Variants in CEP120 observed in about 807,000 individuals in gnomAD.
CEP120 encodes centrosomal protein of 120 kDa.
Under a neutral mutation model 126.5 loss-of-function variants are expected in CEP120, and 113 were observed. That is an observed-to-expected ratio of 0.89 (90% CI 0.77 to 1.04). The LOEUF (loss-of-function observed/expected upper bound fraction) is 1.04, where lower values mean the gene tolerates loss of function less well. Ranked by LOEUF, CEP120 falls within the 50% of genes least tolerant of loss-of-function variation. The probability of loss-of-function intolerance (pLI) is 0.00; values close to 1 mark genes in which losing one functional copy is unlikely to be tolerated. For missense variants in CEP120, 1,230 were observed against 1,155.7 expected, an observed-to-expected ratio of 1.06 and a Z score of -0.93; for synonymous variants, 400 against 394.3, an observed-to-expected ratio of 1.01 and a Z score of -0.17.
At chr5:123,348,945 T>C (rs1769014655) in intron 19 of CEP120, among the ~76,000 whole-genome samples, 1 of 152,150 alleles carries the variant, frequency 6.6e-6, no homozygotes. Flanking sequence ...TAAACTTCTG[T>C]TTAATCTACC....
intron 16 of CEP120, among the ~76,000 whole-genome samples, chr5:123,374,433 G>T (rs1331984419): frequency 1.3e-5 from 2 of 151,974 alleles, no homozygotes; most frequent in African/African-American, 4.8e-5. Context: ...TCTTAGAACA[G>T]TTTCAAAAAT....
At chr5:123,399,983 A>G (rs1466639516) in intron 4 of CEP120, among the ~76,000 whole-genome samples, 1 of 152,244 alleles carries the variant, frequency 6.6e-6, no homozygotes, top group Non-Finnish European at 1.5e-5. Flanking sequence ...AAAATAATTG[A>G]TAATATCCAA....
intron 4 of CEP120, among the ~76,000 whole-genome samples, chr5:123,405,011 T>C (rs1350161951): frequency 6.6e-6 from 1 of 152,184 alleles, no homozygotes; most frequent in African/African-American, 2.4e-5. Context: ...AAATATGCAG[T>C]CTGGCACATA....
At chr5:123,415,458 G>A (rs556099486) in intron 3 of CEP120, among the ~76,000 whole-genome samples, 22 of 152,334 alleles carry the variant, frequency 1.4e-4, no homozygotes, top group South Asian at 1.0e-3. Flanking sequence ...TTAAGCTTCC[G>A]GTAATAGCAA....
chr5:123,423,180 C>G lies in CEP120; in HGVS notation c.-182G>C. On this transcript the variant is annotated 5_prime_UTR_variant, in exon 1 of 20. Transcript: ENST00000306467. ...TGCAGCGCGCCCGGCTCCTCTGCCT[C>G]GGGCCGCCAGCCCAGATCCTAACTG... 3.3e-6 allele frequency: 2 copies of G among 610,740 alleles called. No homozygotes were observed. The highest frequency in any genetic ancestry group is 4.4e-4 in the Middle Eastern group (1 of 2,298). 37.8% of individuals were successfully genotyped at this position (610,740 alleles called of 1,614,324 possible).
chr5:123,384,992 AC>A lies in CEP120; in HGVS notation c.1721del (p.Arg574LeufsTer11). 1 of 1,612,222 alleles carries A rather than the reference AC, an allele frequency of 6.2e-7. No homozygotes were observed. Among genetic ancestry groups the A allele is most frequent in the Non-Finnish European group, 8.5e-7 (1 of 1,179,254 alleles). ...CAGGCACACTTTCACTGTAAGTTTG[AC>A]GCCAACACTGTTCACCATTAGAACC... ...FLGSNGEQCW[R>X]QTYSESVPVI... On this transcript the variant is annotated frameshift_variant, in exon 11 of 20. Transcript: ENST00000306467. LOFTEE classifies it high-confidence loss of function.
At chr5:123,383,809 T>TA (rs1354519937) in intron 11 of CEP120, among the ~76,000 whole-genome samples, 6 of 152,062 alleles carry the variant, frequency 3.9e-5, no homozygotes, top group African/African-American at 1.4e-4. Context: ...GAGAACAAGA[T>TA]AAAATATTAG....
At chr5:123,389,264 T>A (rs945806199) in intron 8 of CEP120, among the ~76,000 whole-genome samples, 2 of 152,204 alleles carry the variant, frequency 1.3e-5, no homozygotes, top group Non-Finnish European at 1.5e-5. Flanking sequence ...AAATGGTTAT[T>A]ATGAGTTTAC....
chr5:123,414,689 G>A (rs528149146), intron 3 of CEP120, among the ~76,000 whole-genome samples: 75 of 152,192 alleles, frequency 4.9e-4, no homozygotes, highest in African/African-American at 4.3e-4. Flanking sequence ...AGCAGCGGCC[G>A]GGCGCGGTGG....
intron 4 of CEP120, chr5:123,401,188 T>C (rs1773201323): frequency 1.2e-6 from 2 of 1,612,470 alleles, no homozygotes; most frequent in Non-Finnish European, 8.5e-7. Flanking sequence ...GCGATCTCGA[T>C]GTCCAGGGCC....
Position 123,390,058 on chromosome 5 carries a change from G to A in CEP120, c.1121C>T (p.Thr374Ile). The A allele has an allele frequency of 6.2e-7, 1 of 1,613,994 alleles. No homozygotes were observed. The highest frequency in any genetic ancestry group is 8.5e-7 in the Non-Finnish European group (1 of 1,179,878). Residue 374 changes from threonine to isoleucine, a missense_variant, in exon 8 of 20, where the codon ACA (threonine) becomes ATA (isoleucine). By Grantham distance (89) the Thr-to-Ile change is moderately conservative (BLOSUM62 -1). Transcript: ENST00000306467. ...KKVLTPIKEK[T>I]LTGPKSPTVS... ...TGTTGGTGATTTTGGCCCAGTAAGT[G>A]TCTTCTCCTTTATGGGGGTTAAAAC...
intron 18 of CEP120, among the ~76,000 whole-genome samples, chr5:123,357,642 G>A (rs1218997608): frequency 5.9e-5 from 9 of 152,094 alleles, no homozygotes; most frequent in Non-Finnish European, 1.5e-5. Context: ...TGCACCTGTA[G>A]TCCCAGATAC....
At chr5:123,355,269 A>G (rs1398768632) in intron 18 of CEP120, among the ~76,000 whole-genome samples, 1 of 152,206 alleles carries the variant, frequency 6.6e-6, no homozygotes, top group Non-Finnish European at 1.5e-5. Flanking sequence ...TCTTTATAGC[A>G]GCATGATTTA....
Position 123,391,252 on chromosome 5 carries a change from T to G in CEP120, c.896A>C (p.Asn299Thr). 6.2e-7 allele frequency: 1 copy of G among 1,614,222 alleles called. No individual in the cohort carries two copies. The highest frequency in any genetic ancestry group is 8.5e-7 in the Non-Finnish European group (1 of 1,180,034). ...GLLKKGSTEI[N>T]QHPVTVEGAF... ...ACCTTCGACTGTGACTGGGTGCTGG[T>G]TGATTTCTGTACTGCCCTTTTTAAG... The change falls in exon 7 of 20, where the codon AAC becomes ACC. Residue 299 changes from asparagine to threonine, a missense_variant. By Grantham distance (65) the Asn-to-Thr change is moderately conservative. Coordinates refer to ENST00000306467, the MANE Select transcript of CEP120 (RefSeq NM_001375405.1).
intron 5 of CEP120, among the ~76,000 whole-genome samples, chr5:123,394,412 C>T (rs1772622961): frequency 6.6e-6 from 1 of 152,170 alleles, no homozygotes; most frequent in South Asian, 2.1e-4. Flanking sequence ...AGATCCCTTA[C>T]ATGTGTAGTT....
intron 7 of CEP120, 32 bp from the exon 8 acceptor site, chr5:123,390,172 G>A: frequency 6.8e-7 from 1 of 1,461,524 alleles, no homozygotes; most frequent in East Asian, 2.4e-5. Context: ...AGTATAATTT[G>A]CAAAGAACTT....
intron 18 of CEP120, among the ~76,000 whole-genome samples, chr5:123,353,320 T>C (rs1216703445): frequency 3.9e-5 from 6 of 151,918 alleles, no homozygotes; most frequent in Admixed American, 2.0e-4. Flanking sequence ...TCTGCAGCTA[T>C]TGATATGATT....
chr5:123,422,862 T>A lies in CEP120; in HGVS notation c.49+88A>T. ...GACCACAAAAGCACAGATGACAGGG[T>A]TCTTAAGGTTAACAAGGCCTCGGTC... is the stretch of plus-strand genomic sequence containing the variant. On this transcript the variant is annotated intron_variant, in intron 1 of 19. Coordinates refer to ENST00000306467, the MANE Select transcript of CEP120 (RefSeq NM_001375405.1). 2.5e-6 allele frequency: 3 copies of A among 1,207,484 alleles called. 1 individual carries two copies. The Admixed American group carries it at 5.1e-5, about 20-fold the overall frequency. The allele number at this position is 1,207,484 out of a possible 1,614,324, so 74.8% of individuals were successfully genotyped here. A position where few individuals can be genotyped will look rare whatever the true frequency, so the allele number is the denominator to read the frequency against.
At chr5:123,388,723 T>C (rs1282982600) in intron 8 of CEP120, 117 bp from the exon 9 acceptor site, 3 of 747,704 alleles carry the variant, frequency 4.0e-6, no homozygotes, top group Admixed American at 3.5e-5. Context: ...TGGGCTATTT[T>C]GTCTCATGAA....
Sources: allele counts gnomAD v4.1 joint callset (sites outside exome capture counted in the v4.1 genomes callset), GRCh38; gene constraint gnomAD v4.1.1; transcripts MANE v1.5; gene names NCBI Gene and HGNC (gene_info 2026-07-23, HGNC 2026-07-21).